Variants in PUM2 observed in about 807,000 individuals in gnomAD.
PUM2 encodes pumilio RNA binding family member 2.
A neutral mutation model predicts 124.5 loss-of-function variants in PUM2; 57 were observed. The observed-to-expected ratio is 0.46, with a 90% CI of 0.37 to 0.57. The LOEUF (loss-of-function observed/expected upper bound fraction) is 0.57, where lower values mean the gene tolerates loss of function less well. Among genes scored for constraint, PUM2 ranks in the 20% least tolerant of loss-of-function variants. The pLI is 0.00. For synonymous variants in PUM2, 460 were observed against 446.1 expected, an observed-to-expected ratio of 1.03 and a Z score of -0.39; for missense variants, 1,065 against 1,290.6, an observed-to-expected ratio of 0.83 and a Z score of 2.68.
upstream of PUM2, among the ~76,000 whole-genome samples, chr2:20,351,665 G>T (rs1252109789): frequency 6.6e-6 from 1 of 152,136 alleles, no homozygotes; most frequent in East Asian, 1.9e-4. Context: ...AACCTAACCG[G>T]CTCCAGGTCA....
chr2:20,315,858 A>C (rs1288988061), intron 3 of PUM2, among the ~76,000 whole-genome samples: 13 of 132,010 alleles, frequency 9.8e-5, no homozygotes, highest in Admixed American at 6.9e-4. Flanking sequence ...AAAAAAAAAA[A>C]CAAACCAAAA....
intron 1 of PUM2, among the ~76,000 whole-genome samples, chr2:20,329,025 G>C (rs917888477): frequency 6.6e-6 from 1 of 151,992 alleles, no homozygotes; most frequent in Non-Finnish European, 1.5e-5. Flanking sequence ...TTAAAAATTA[G>C]CTTGGCACAT....
Position 20,260,441 on chromosome 2 carries a change from C to A in PUM2, c.2251G>T (p.Ala751Ser). The A allele has an allele frequency of 6.2e-7, 1 of 1,609,518 alleles. No individual in the cohort carries two copies. The highest frequency in any genetic ancestry group is 8.5e-7 in the Non-Finnish European group (1 of 1,176,292). Residue 751 changes from alanine to serine, a missense_variant, in exon 15 of 21, where the codon GCT becomes TCT. This residue lies in a region of PUM2 where 968 missense variants were observed against 1,159.8 expected (regional missense o/e 0.83). Transcript: ENST00000361078. ...SRFIQQKLERATPAERQMVFN... is the reference protein window; with the variant it reads ...SRFIQQKLERSTPAERQMVFN... ...ACCATCTGTCGCTCAGCTGGAGTAG[C>A]TCTCTCTAGTTTTTGCTGTATGAAT...
intron 3 of PUM2, among the ~76,000 whole-genome samples, chr2:20,313,048 T>A (rs541642821): frequency 3.5e-4 from 53 of 152,258 alleles, no homozygotes; most frequent in Non-Finnish European, 6.6e-4. Context: ...CCTTATACCT[T>A]ATACAAAAAT....
chr2:20,349,257 G>A (rs746198193), intron 1 of PUM2, among the ~76,000 whole-genome samples: 3 of 152,064 alleles, frequency 2.0e-5, no homozygotes, highest in African/African-American at 7.3e-5. Context: ...TTAAAAACTG[G>A]ACTTAAATCC....
chr2:20,297,685 T>C lies in PUM2; in HGVS notation c.884-7A>G, dbSNP rs373984097. On this transcript the variant is annotated splice_polypyrimidine_tract_variant and splice_region_variant and intron_variant, in intron 7 of 20. Coordinates refer to ENST00000361078, the MANE Select transcript of PUM2 (RefSeq NM_015317.5). ...CCTGCTGAGAATACACCAGCTATAT[T>C]TTAAAAGGGGAGAAATAATAAACAA... 28 of 1,604,924 alleles carry C rather than the reference T, an allele frequency of 1.7e-5. No individual in the cohort carries two copies. The highest frequency in any genetic ancestry group is 2.3e-5 in the Non-Finnish European group (27 of 1,176,232).
chr2:20,344,426 C>T (rs376009273), intron 1 of PUM2, among the ~76,000 whole-genome samples: 2 of 152,298 alleles, frequency 1.3e-5, no homozygotes, highest in South Asian at 2.1e-4. Context: ...AAACTAACTA[C>T]ACAGTAATTC....
At position 20,305,470 on chromosome 2, in the gene PUM2, A is replaced by G. The variant is rs1420983052; in HGVS notation, c.883+2508T>C. ...GAGTAAGACCCTGTCTTCGAAAAAA[A>G]AAAAAAAAAAAAAAAAAAGACGTAT... On this transcript the variant is annotated intron_variant, in intron 7 of 20. Transcript: ENST00000361078. Among the ~76,000 whole-genome samples the G allele has an allele frequency of 3.7e-4, 55 of 148,656 alleles. 1 individual carries two copies. The highest frequency in any genetic ancestry group is 1.3e-3 in the African/African-American group (54 of 40,918).
At chr2:20,303,001 A>G (rs1677362729) in intron 7 of PUM2, among the ~76,000 whole-genome samples, 2 of 152,196 alleles carry the variant, frequency 1.3e-5, no homozygotes, top group South Asian at 2.1e-4. Context: ...ATAGCTGTGC[A>G]TGCTGAGGAC....
intron 2 of PUM2, among the ~76,000 whole-genome samples, chr2:20,322,985 T>C (rs1298860032): frequency 6.6e-6 from 1 of 152,180 alleles, no homozygotes; most frequent in Non-Finnish European, 1.5e-5. Flanking sequence ...ACAGCAAACA[T>C]TACTAAATGT....
chr2:20,309,789 C>A (rs141640843), intron 5 of PUM2, among the ~76,000 whole-genome samples: 2 of 152,218 alleles, frequency 1.3e-5, no homozygotes, highest in African/African-American at 4.8e-5. Context: ...AATAAATTTG[C>A]TAACATATAG....
chr2:20,265,376 C>A (rs1667413975), intron 13 of PUM2, among the ~76,000 whole-genome samples: 2 of 152,202 alleles, frequency 1.3e-5, no homozygotes, highest in African/African-American at 4.8e-5. Context: ...TCAAAACGTT[C>A]AAGAGTTCAG....
chr2:20,344,495 TGTCC>T (rs759848375), intron 1 of PUM2, among the ~76,000 whole-genome samples: 1 of 152,222 alleles, frequency 6.6e-6, no homozygotes, highest in Non-Finnish European at 1.5e-5. Context: ...AATCCTGGAC[TGTCC>T]ATATTAGATA....
At chr2:20,258,204 A>G (rs1328703418) in intron 16 of PUM2, 39 bp downstream of exon 16, 1 of 1,503,392 alleles carries the variant, frequency 6.7e-7, no homozygotes, top group Non-Finnish European at 9.0e-7. Context: ...TAAAAATTGA[A>G]TAAAATAATA....
intron 7 of PUM2, among the ~76,000 whole-genome samples, chr2:20,306,574 C>T (rs906893961): frequency 6.7e-6 from 1 of 149,354 alleles, no homozygotes; most frequent in Non-Finnish European, 1.5e-5. Context: ...AGAGTACATG[C>T]TGCGACTGGC....
At chr2:20,320,242 G>A (rs1190258333) in intron 2 of PUM2, among the ~76,000 whole-genome samples, 1 of 152,000 alleles carries the variant, frequency 6.6e-6, no homozygotes, top group African/African-American at 2.4e-5. Context: ...GAGTGAGACT[G>A]TCTCAAAAAA....
intron 7 of PUM2, among the ~76,000 whole-genome samples, chr2:20,299,758 C>T (rs76319446): frequency 0.015 from 2,226 of 152,274 alleles, 55 homozygotes; most frequent in African/African-American, 0.045. Context: ...ATACAAGCCT[C>T]AACACTGATT....
intron 2 of PUM2, among the ~76,000 whole-genome samples, chr2:20,321,229 G>C (rs1682266296): frequency 6.6e-6 from 1 of 152,174 alleles, no homozygotes; most frequent in African/African-American, 2.4e-5. Context: ...CGAGGTTGCA[G>C]TGAGCCGAGA....
intron 15 of PUM2, among the ~76,000 whole-genome samples, chr2:20,259,505 C>A (rs1242138048): frequency 6.6e-6 from 1 of 152,222 alleles, no homozygotes; most frequent in East Asian, 1.9e-4. Flanking sequence ...TTATTCTAGA[C>A]ATTTCATACT....
Sources: allele counts gnomAD v4.1 joint callset (sites outside exome capture counted in the v4.1 genomes callset), GRCh38; gene constraint gnomAD v4.1.1; regional missense constraint gnomAD v4.1.1; transcripts MANE v1.5; gene names NCBI Gene and HGNC (gene_info 2026-07-23, HGNC 2026-07-21).